The following NR1H4 variants were observed in gnomAD, a reference collection of about 807,000 sequenced individuals.
NR1H4 encodes the protein nuclear receptor subfamily 1 group H member 4, also known as bile acid receptor.
NR1H4 carries 23 observed loss-of-function variants against 58.5 expected under a neutral mutation model. The observed-to-expected ratio is 0.39, with a 90% CI of 0.28 to 0.56. The LOEUF (loss-of-function observed/expected upper bound fraction) is 0.56, where lower values mean the gene tolerates loss of function less well. Among genes scored for constraint, NR1H4 ranks in the 20% least tolerant of loss-of-function variants. NR1H4 has a pLI of 0.58. For synonymous variants in NR1H4, 214 were observed against 198.0 expected (o/e 1.08, Z -0.68); for missense variants, 487 against 576.9 (o/e 0.84, Z 1.60).
intron 1 of NR1H4, among the ~76,000 whole-genome samples, chr12:100,482,910 T>C (rs941703185): frequency 6.6e-6 from 1 of 152,086 alleles, no homozygotes; most frequent in Non-Finnish European, 1.5e-5. Flanking sequence ...GGATATCTAG[T>C]TGATGCAGGT....
intron 3 of NR1H4, among the ~76,000 whole-genome samples, chr12:100,496,003 G>A (rs1185875929): frequency 6.6e-6 from 1 of 152,148 alleles, no homozygotes; most frequent in Non-Finnish European, 1.5e-5. Context: ...TGCCCAGAAA[G>A]CTGGACTCTT....
intron 4 of NR1H4, among the ~76,000 whole-genome samples, chr12:100,523,995 G>A (rs990871813): frequency 2.6e-5 from 4 of 152,044 alleles, no homozygotes; most frequent in African/African-American, 7.2e-5. Flanking sequence ...AAAGAGTATC[G>A]AAAAGAATAC....
Position 100,563,258 on chromosome 12 carries a change from A to G in NR1H4, c.1200A>G (p.Gln400=), listed in dbSNP as rs765426648. ...TAIVILSPDR[Q]YIKDREAVEK... ...TTTTAAACTTCAAAACAGATAGACA[A>G]TACATAAAGGATAGAGAGGCAGTAG... The change falls in exon 11 of 11, where the codon CAA becomes CAG. Residue 400 remains glutamine (Q), a synonymous_variant. Transcript: ENST00000392986. The G allele has an allele frequency of 1.2e-6, 2 of 1,610,658 alleles. No homozygotes were observed. Among genetic ancestry groups the G allele is most frequent in the Non-Finnish European group, 1.7e-6 (2 of 1,176,810 alleles).
At chr12:100,528,119 C>A (rs965054223) in intron 4 of NR1H4, among the ~76,000 whole-genome samples, 8 of 152,114 alleles carry the variant, frequency 5.3e-5, no homozygotes, top group Non-Finnish European at 1.0e-4. Flanking sequence ...CAACATCAAC[C>A]AATATTTTAT....
intron 3 of NR1H4, among the ~76,000 whole-genome samples, chr12:100,502,660 A>G (rs1196087915): frequency 6.6e-6 from 1 of 152,218 alleles, no homozygotes. Flanking sequence ...GGTTCAACCT[A>G]CTATGTTTAG....
intron 9 of NR1H4, 71 bp downstream of exon 9, chr12:100,540,889 G>A: frequency 2.7e-6 from 4 of 1,463,926 alleles, no homozygotes; most frequent in Middle Eastern, 1.7e-4. Flanking sequence ...TGAGGGTGGG[G>A]CTCTTGCCAA....
At chr12:100,549,728 C>G (rs1444202014) in intron 9 of NR1H4, among the ~76,000 whole-genome samples, 1 of 152,148 alleles carries the variant, frequency 6.6e-6, no homozygotes, top group African/African-American at 2.4e-5. Context: ...GATACTTTCT[C>G]CAAATATCAA....
chr12:100,483,943 C>T (rs1347077475), intron 1 of NR1H4, among the ~76,000 whole-genome samples: 2 of 146,712 alleles, frequency 1.4e-5, no homozygotes, highest in Admixed American at 6.8e-5. Context: ...GAGGTCGTGC[C>T]ACTGCACTCC....
rs759591746 is a variant in NR1H4, at chr12:100,493,370, C to T, written c.47C>T (p.Thr16Ile). The change falls in exon 3 of 11, where the codon ACA becomes ATA. Residue 16 changes from threonine (T) to isoleucine (I), a missense_variant. Coordinates refer to ENST00000392986, the MANE Select transcript of NR1H4 (RefSeq NM_001206979.2). Reference protein sequence around the residue: ...NLIEHSHLPTTDEFSFSENLF... With the variant: ...NLIEHSHLPTIDEFSFSENLF... ...ATTGAACATTCCCATTTACCTACCA[C>T]AGATGAATTTTCTTTTTCTGAAAAT... The T allele has an allele frequency of 3.2e-6, 5 of 1,575,208 alleles. No homozygotes were observed. The African/African-American group carries it at 4.0e-5, about 13-fold the overall frequency.
rs190115356 is a variant in NR1H4, at chr12:100,521,548, G to T, written c.445+10405G>T. Among the ~76,000 whole-genome samples, 880 of 152,288 alleles carry T rather than the reference G, an allele frequency of 5.8e-3. 7 individuals are homozygous for T. The highest frequency in any genetic ancestry group is 0.01 in the South Asian group (50 of 4,824). On this transcript the variant is annotated intron_variant, in intron 4 of 10. Transcript: ENST00000392986. ...TGTCACATTTGTTTCAATGCCAAGA[G>T]AGTCTTCACACATCCGAGAATGGTA...
chr12:100,483,751 A>C (rs987574422), intron 1 of NR1H4, among the ~76,000 whole-genome samples: 2 of 152,192 alleles, frequency 1.3e-5, no homozygotes, highest in African/African-American at 4.8e-5. Context: ...TGGGAGGCCA[A>C]GGCGGGTGGA....
Position 100,487,699 on chromosome 12 carries a change from C to T in NR1H4, c.-189-4804C>T, listed in dbSNP as rs1365278878. On this transcript the variant is annotated intron_variant, in intron 1 of 10. Coordinates refer to ENST00000392986, the MANE Select transcript of NR1H4 (RefSeq NM_001206979.2). ...TGATCTCGAGTTACTGCAACCTCTG[C>T]CTCCCAGGTTCAAATGATTCTCCTG... Among the ~76,000 whole-genome samples the T allele has an allele frequency of 3.3e-5, 5 of 149,866 alleles. No individual in the cohort carries two copies. In the East Asian group the frequency reaches 9.8e-4, roughly 29 times the overall value.
intron 3 of NR1H4, among the ~76,000 whole-genome samples, chr12:100,504,557 G>A (rs138665213): frequency 0.012 from 1,875 of 152,298 alleles, 18 homozygotes; most frequent in Middle Eastern, 0.031. Flanking sequence ...CCCTCAAAGA[G>A]TTCACAGACT....
intron 4 of NR1H4, among the ~76,000 whole-genome samples, chr12:100,512,412 C>T (rs539397311): frequency 1.2e-4 from 19 of 152,124 alleles, no homozygotes; most frequent in African/African-American, 4.3e-4. Flanking sequence ...GAGACCAAGA[C>T]GGGTGGATCA....
chr12:100,512,157 C>T (rs900313436), intron 4 of NR1H4, among the ~76,000 whole-genome samples: 6 of 151,632 alleles, frequency 4.0e-5, no homozygotes, highest in African/African-American at 7.3e-5. Flanking sequence ...CACCTGAGCC[C>T]GGGAGGTTGA....
Position 100,558,040 on chromosome 12 carries a change from T to TTTTTG in NR1H4, c.1079-3841_1079-3840insGTTTT, listed in dbSNP as rs1555197701. Among the ~76,000 whole-genome samples the TTTTTG allele has an allele frequency of 2.6e-5, 4 of 152,178 alleles. No homozygotes were observed. The East Asian group carries it at 7.7e-4, about 29-fold the overall frequency. ...CAGAAGTGGCACTAAGAAGTCTGTT[T>TTTTTG]TTTTTGTTTTTGTTTTTGTTTTTAG... is the stretch of plus-strand genomic sequence containing the variant. On this transcript the variant is annotated intron_variant, in intron 9 of 10. Transcript: ENST00000392986.
chr12:100,503,628 G>T, intron 3 of NR1H4: 1 of 867,788 alleles, frequency 1.2e-6, no homozygotes, highest in African/African-American at 1.7e-5. Context: ...CCAGAAGACT[G>T]GAATGAGAGT....
intron 4 of NR1H4, among the ~76,000 whole-genome samples, chr12:100,526,425 CA>C (rs1954558903): frequency 6.6e-6 from 1 of 152,092 alleles, no homozygotes; most frequent in Non-Finnish European, 1.5e-5. Flanking sequence ...CTTCTATTTG[CA>C]TTATGTGTAA....
chr12:100,512,584 T>A (rs1315206132), intron 4 of NR1H4, among the ~76,000 whole-genome samples: 1 of 150,724 alleles, frequency 6.6e-6, no homozygotes, highest in Non-Finnish European at 1.5e-5. Context: ...GAGGTTGCAG[T>A]GAGCCGAGAT....
Sources: allele counts gnomAD v4.1 joint callset (sites outside exome capture counted in the v4.1 genomes callset), GRCh38; gene constraint gnomAD v4.1.1; transcripts MANE v1.5; gene names NCBI Gene and HGNC (gene_info 2026-07-23, HGNC 2026-07-21).